SLC30A10: variants seen among roughly 807,000 people sequenced by gnomAD.
SLC30A10 encodes calcium/manganese antiporter SLC30A10.
In SLC30A10, 8 loss-of-function variants were observed where a neutral mutation model predicts 21.7. The ratio of observed to expected loss-of-function variants is 0.37; its 90% CI spans 0.22 to 0.67. The LOEUF (loss-of-function observed/expected upper bound fraction) is 0.67, where lower values mean the gene tolerates loss of function less well. SLC30A10 is among the 30% of genes least tolerant of loss of function. The pLI is 0.58. For missense variants in SLC30A10, 521 were observed against 642.5 expected, an observed-to-expected ratio of 0.81 and a Z score of 2.04; for synonymous variants, 272 against 279.4, an observed-to-expected ratio of 0.97 and a Z score of 0.26.
In SLC30A10 at chr1:219,911,156, T is replaced by TTTTG. The variant is rs1223440092; in HGVS notation, c.*4292_*4293insCAAA. On this transcript the variant is annotated 3_prime_UTR_variant, in exon 4 of 4. Coordinates refer to ENST00000366926, the MANE Select transcript of SLC30A10 (RefSeq NM_018713.3). Reference sequence around the variant, plus strand: ...TTCATTTTTTCTACATCAGTTTTTTTTTTTTTTTTTTTTTTTTTGCAGTCT... The same window carrying TTTTG: ...TTCATTTTTTCTACATCAGTTTTTTTTTTGTTTTTTTTTTTTTTTTTTGCAGTCT... 1.3e-4 allele frequency among the ~76,000 whole-genome samples: 14 copies of TTTTG among 107,610 alleles called. 2 individuals are homozygous for TTTTG. The highest frequency in any genetic ancestry group is 2.5e-4 in the Non-Finnish European group (14 of 56,634). The allele number at this position is 107,610 out of a possible 152,430, so 70.6% of individuals were successfully genotyped here.
At position 219,928,515 on chromosome 1, in the gene SLC30A10, G is replaced by A. The variant is rs1659906127; in HGVS notation, c.-75C>T. The A allele has an allele frequency of 4.5e-6, 6 of 1,344,358 alleles. No individual in the cohort carries two copies. The highest frequency in any genetic ancestry group is 3.5e-5 in the Admixed American group (1 of 28,974). The allele number at this position is 1,344,358 out of a possible 1,614,324, so 83.3% of individuals were successfully genotyped here. On this transcript the variant is annotated 5_prime_UTR_variant, in exon 1 of 4. Transcript: ENST00000366926. The surrounding 1 kb of genome is among the most constrained non-coding windows in gnomAD (Gnocchi z 6.3). ...CCCCGCGCGCAGCCACAGGTGGGGG[G>A]CGCGGCGCGGATCCGTGAGGCCCGG...
At chr1:219,957,833 A>T (rs11118469) in intron 1 of SLC30A10, among the ~76,000 whole-genome samples, 70,484 of 152,010 alleles carry the variant, frequency 0.46, 16,431 homozygotes, top group South Asian at 0.52. Flanking sequence ...AAAGCATCTT[A>T]TAGATATATT....
chr1:219,952,962 A>G (rs1052713478), intron 1 of SLC30A10, among the ~76,000 whole-genome samples: 2 of 152,172 alleles, frequency 1.3e-5, no homozygotes, highest in Non-Finnish European at 2.9e-5. Context: ...CAAGAGAAGT[A>G]AGAGGTTAGG....
In SLC30A10 at chr1:219,928,050, GC is replaced by G. The variant is rs1250240668; in HGVS notation, c.390del (p.Leu131CysfsTer61). The G allele has an allele frequency of 1.3e-5, 20 of 1,590,296 alleles. No homozygotes were observed. The highest frequency in any genetic ancestry group is 1.7e-5 in the Non-Finnish European group (20 of 1,170,000). Reference protein sequence around the residue: ...GVLGLLVNVVGLLIFQDCAAW... With the variant: ...GVLGLLVNVVXLLIFQDCAAW... ...GCGGCGCAGTCCTGGAAGATGAGCAGCCCCACCACGTTGACCAACAGCCCCA... is the reference window on the plus strand; with the variant it reads ...GCGGCGCAGTCCTGGAAGATGAGCAGCCCACCACGTTGACCAACAGCCCCA... On this transcript the variant is annotated frameshift_variant, in exon 1 of 4. Transcript: ENST00000366926. LOFTEE classifies it high-confidence loss of function. This position sits in a 1 kb window ranked among gnomAD's most constrained non-coding sequence, Gnocchi z 6.3.
chr1:219,955,364 T>C (rs937103591), intron 1 of SLC30A10, among the ~76,000 whole-genome samples: 1 of 152,190 alleles, frequency 6.6e-6, no homozygotes, highest in African/African-American at 2.4e-5. Flanking sequence ...TCCTCACACC[T>C]TTTAGAGTCA....
chr1:219,918,569 G>A lies in SLC30A10; in HGVS notation c.719-75C>T, dbSNP rs549416905. 1.2e-4 allele frequency: 183 copies of A among 1,496,328 alleles called. No individual in the cohort carries two copies. The highest frequency in any genetic ancestry group is 8.4e-4 in the South Asian group (62 of 74,090). 92.7% of individuals were successfully genotyped at this position (1,496,328 alleles called of 1,614,324 possible). ...GTGACACTCACTGACTTGGGTGTCC[G>A]GGTATATGAATATCTGTTACCATTT... On this transcript the variant is annotated intron_variant, in intron 2 of 3. Coordinates refer to ENST00000366926, the MANE Select transcript of SLC30A10 (RefSeq NM_018713.3). This position sits in a 1 kb window ranked among gnomAD's most constrained non-coding sequence, Gnocchi z 4.4.
chr1:219,916,503 T>C (rs1020866482), intron 3 of SLC30A10, among the ~76,000 whole-genome samples: 6 of 152,244 alleles, frequency 3.9e-5, no homozygotes, highest in African/African-American at 1.4e-4. Context: ...TGAGAAAATG[T>C]ACATAAGGTA....
rs977247048 is a variant in SLC30A10 at position 219,910,453 on chromosome 1, A to T, written c.*4996T>A. On this transcript the variant is annotated 3_prime_UTR_variant, in exon 4 of 4. Transcript: ENST00000366926. ...TATCTCAGTCATGTTTCTATTTTTT[A>T]AAAAAATTTTATTTACAGCACCATT... 3.3e-5 allele frequency among the ~76,000 whole-genome samples: 5 copies of T among 152,194 alleles called. No homozygotes were observed. The highest frequency in any genetic ancestry group is 1.9e-4 in the East Asian group (1 of 5,196).
rs932694049 is a variant in SLC30A10, at chr1:219,912,348, AT to A, written c.*3100del. Among the ~76,000 whole-genome samples, 3 of 152,112 alleles carry A rather than the reference AT, an allele frequency of 2.0e-5. No homozygotes were observed. Among genetic ancestry groups the A allele is most frequent in the African/African-American group, 7.2e-5 (3 of 41,428 alleles). ...CCCAATATCATGAAAAAAATTAATT[AT>A]ATTTTCAAAAACAATGTTGAGAGTC... is the stretch of plus-strand genomic sequence containing the variant. On this transcript the variant is annotated 3_prime_UTR_variant, in exon 4 of 4. Transcript: ENST00000366926.
At chr1:219,946,204 T>C (rs2102544744) in intron 1 of SLC30A10, among the ~76,000 whole-genome samples, 1 of 152,376 alleles carries the variant, frequency 6.6e-6, no homozygotes, top group South Asian at 2.1e-4. Context: ...ATCTTGATAC[T>C]ATCACTTTGT....
chr1:219,925,804 C>T (rs1289080081), intron 2 of SLC30A10, among the ~76,000 whole-genome samples: 1 of 150,276 alleles, frequency 6.7e-6, no homozygotes, highest in African/African-American at 2.4e-5. Context: ...TACAGGCACC[C>T]ACCACCATGC....
chr1:219,950,366 G>A (rs538522012), intron 1 of SLC30A10, among the ~76,000 whole-genome samples: 5 of 152,188 alleles, frequency 3.3e-5, no homozygotes, highest in Non-Finnish European at 7.4e-5. Context: ...CTGGCTGGGC[G>A]CGGTGGCTCA....
rs1247659051 is a variant in SLC30A10 at position 219,927,086 on chromosome 1, C to T, written c.660G>A (p.Gln220=). Residue 220 remains glutamine, a synonymous_variant, in exon 2 of 4, where the codon CAG becomes CAA. Transcript: ENST00000366926. ...TTTTCATCATGTCTTCTGGCTCATT[C>T]TGGGTGTTGAAGGAATCACCTGCAT... is the stretch of plus-strand genomic sequence containing the variant. ...ANVAGDSFNT[Q]NEPEDMMKKE... is the part of the protein sequence containing the mutation. 3 of 1,613,910 alleles carry T rather than the reference C, an allele frequency of 1.9e-6. No homozygotes were observed. The highest frequency in any genetic ancestry group is 1.7e-6 in the Non-Finnish European group (2 of 1,179,996).
chr1:219,915,311 A>G lies in SLC30A10; in HGVS notation c.*138T>C, dbSNP rs1558248972. The G allele has an allele frequency of 3.6e-6, 4 of 1,100,338 alleles. No homozygotes were observed. Among genetic ancestry groups the G allele is most frequent in the South Asian group, 1.6e-5 (1 of 64,356 alleles). 68.2% of individuals were successfully genotyped at this position (1,100,338 alleles called of 1,614,324 possible). The stretch of plus-strand genomic sequence containing the variant: ...CAGACACGTTTAACTAAAATCCCAA[A>G]CAGCCAACCCCTAGTGAACACAGAG... On this transcript the variant is annotated 3_prime_UTR_variant, in exon 4 of 4. Transcript: ENST00000366926.
upstream of SLC30A10, among the ~76,000 whole-genome samples, chr1:219,931,751 T>C (rs1045024346): frequency 6.6e-6 from 1 of 152,166 alleles, no homozygotes; most frequent in Admixed American, 6.5e-5. Context: ...AAAGTGCTGG[T>C]ATTATAGGCG....
intron 1 of SLC30A10, chr1:219,958,566 AC>A (rs1660381821): frequency 1.3e-5 from 2 of 152,814 alleles, no homozygotes; most frequent in Non-Finnish European, 2.9e-5. Flanking sequence ...GTAGCTATTT[AC>A]CTGCTTCCAT....
In SLC30A10 at chr1:219,915,968, AC is replaced by A; in HGVS notation, c.959-21del. On this transcript the variant is annotated intron_variant, in intron 3 of 3. Coordinates refer to ENST00000366926, the MANE Select transcript of SLC30A10 (RefSeq NM_018713.3). ...TACTCACTATAACAGAGAAGAGCAA[AC>A]AAAAGCCAAGGTGAGCGCTGCATTT... 1.2e-6 allele frequency: 2 copies of A among 1,600,334 alleles called. No homozygotes were observed.
chr1:219,943,638 T>C (rs895027379), intron 1 of SLC30A10, among the ~76,000 whole-genome samples: 1 of 152,152 alleles, frequency 6.6e-6, no homozygotes, highest in Non-Finnish European at 1.5e-5. Context: ...ATGTTACAAA[T>C]TTTCTGGCAA....
At chr1:219,927,169 T>C in intron 1 of SLC30A10, 64 bp from the exon 2 acceptor site, 3 of 1,537,782 alleles carry the variant, frequency 2.0e-6, no homozygotes, top group Non-Finnish European at 2.7e-6. Flanking sequence ...AAAAAACCAA[T>C]GGACTCAAAA....
Sources: gnomAD v4.1 joint callset for allele counts (sites outside exome capture counted in the v4.1 genomes callset) on GRCh38, gnomAD v4.1.1 for gene constraint, Gnocchi (gnomAD v3.1) non-coding constraint, MANE v1.5 for transcripts, NCBI Gene and HGNC (gene_info 2026-07-23, HGNC 2026-07-21) for gene names.